The following C11orf65 variants were observed in gnomAD, a reference collection of about 807,000 sequenced individuals.
C11orf65 encodes protein MFI.
C11orf65 carries 38 observed loss-of-function variants against 35.3 expected under a neutral mutation model. The ratio of observed to expected loss-of-function variants is 1.08; its 90% CI spans 0.83 to 1.41. The LOEUF is 1.41. Ranked by LOEUF, C11orf65 falls within the 40% of genes most tolerant of loss-of-function variation. The pLI is 0.00. For synonymous variants in C11orf65, 105 were observed against 114.4 expected, an observed-to-expected ratio of 0.92 and a Z score of 0.53; for missense variants, 370 against 367.1, an observed-to-expected ratio of 1.01 and a Z score of -0.06.
At chr11:108,439,180 T>A (rs1248922714) in intron 2 of C11orf65, among the ~76,000 whole-genome samples, 1 of 152,132 alleles carries the variant, frequency 6.6e-6, no homozygotes, top group Middle Eastern at 3.2e-3. Flanking sequence ...AGGTCTTGAA[T>A]ATATATTTCT....
At chr11:108,419,186 C>A (rs964608066) in intron 3 of C11orf65, among the ~76,000 whole-genome samples, 1 of 152,084 alleles carries the variant, frequency 6.6e-6, no homozygotes, top group East Asian at 1.9e-4. Context: ...GTAAATTAGA[C>A]GTTCTGCAGG....
chr11:108,323,202 GACAT>G (rs1286468627), intron 6 of C11orf65, among the ~76,000 whole-genome samples: 1 of 152,168 alleles, frequency 6.6e-6, no homozygotes, highest in East Asian at 1.9e-4. Context: ...CATAGCAGAA[GACAT>G]ACATATTAAT....
At chr11:108,352,374 T>C (rs534458737) in intron 2 of C11orf65, among the ~76,000 whole-genome samples, 43 of 152,198 alleles carry the variant, frequency 2.8e-4, no homozygotes, top group Admixed American at 2.7e-3. Context: ...CAGAAAAATA[T>C]AGTAAATAAA....
At chr11:108,403,476 C>T (rs2092481435) in intron 6 of C11orf65, among the ~76,000 whole-genome samples, 1 of 104,486 alleles carries the variant, frequency 9.6e-6, no homozygotes, top group Non-Finnish European at 1.8e-5. Context: ...ATATATTTTG[C>T]AAATGTTTTA....
At chr11:108,356,558 A>G (rs1160066569) in intron 2 of C11orf65, among the ~76,000 whole-genome samples, 3 of 151,796 alleles carry the variant, frequency 2.0e-5, no homozygotes, top group Non-Finnish European at 4.4e-5. Context: ...AAAAAAAAAA[A>G]AAGCCCAAAC....
At chr11:108,312,264 A>G in intron 6 of C11orf65, 1 of 634,958 alleles carries the variant, frequency 1.6e-6, no homozygotes, top group Non-Finnish European at 2.9e-6. Context: ...CTAGGTATAA[A>G]TGGTATTATG....
chr11:108,325,271 T>A (rs2136304197), intron 6 of C11orf65: 15 of 1,032,840 alleles, frequency 1.5e-5, no homozygotes, highest in Non-Finnish European at 1.9e-5. Context: ...TTTTTTTTCA[T>A]TTCTCTTGCT....
At chr11:108,378,255 A>G (rs1160780414), downstream of C11orf65, among the ~76,000 whole-genome samples, 26 of 149,866 alleles carry the variant, frequency 1.7e-4, no homozygotes, top group Admixed American at 1.7e-3. Context: ...AGTAACCAAA[A>G]CAGCATGGTA....
intron 1 of C11orf65, among the ~76,000 whole-genome samples, chr11:108,463,534 C>A (rs2093497302): frequency 6.6e-6 from 1 of 152,166 alleles, no homozygotes; most frequent in South Asian, 2.1e-4. Flanking sequence ...AGTCTTTGGA[C>A]TCTGAGGCAA....
intron 2 of C11orf65, among the ~76,000 whole-genome samples, chr11:108,439,773 G>C (rs1209866668): frequency 6.6e-6 from 1 of 152,108 alleles, no homozygotes; most frequent in African/African-American, 2.4e-5. Context: ...AAAATTCACA[G>C]AGACACAAAG....
intron 6 of C11orf65, among the ~76,000 whole-genome samples, chr11:108,405,101 A>G (rs1287349159): frequency 6.6e-6 from 1 of 152,222 alleles, no homozygotes; most frequent in Non-Finnish European, 1.5e-5. Context: ...TTTACTCGGG[A>G]AGTCCACAAT....
At chr11:108,366,720 AAC>A (rs2091351497) in intron 2 of C11orf65, 1 of 231,230 alleles carries the variant, frequency 4.3e-6, no homozygotes, top group African/African-American at 2.2e-5. Flanking sequence ...GGCCAAGGCA[AAC>A]ACACTTCCTC....
At chr11:108,421,471 C>T (rs999733792) in intron 3 of C11orf65, among the ~76,000 whole-genome samples, 1 of 152,106 alleles carries the variant, frequency 6.6e-6, no homozygotes, top group African/African-American at 2.4e-5. Context: ...GCCTGACCAA[C>T]ATGGTGAAAC....
At chr11:108,364,966 C>A in intron 2 of C11orf65, 1 of 1,168,842 alleles carries the variant, frequency 8.6e-7, no homozygotes, top group Non-Finnish European at 1.2e-6. Flanking sequence ...TGTTTGTTCC[C>A]CTCCCCCATC....
chr11:108,417,118 A>T (rs1016462908), intron 3 of C11orf65, among the ~76,000 whole-genome samples: 1 of 152,236 alleles, frequency 6.6e-6, no homozygotes, highest in African/African-American at 2.4e-5. Context: ...AACGTCTGAG[A>T]CATACAGAGA....
intron 2 of C11orf65, chr11:108,354,944 CA>C: frequency 2.3e-6 from 3 of 1,287,488 alleles, no homozygotes; most frequent in Non-Finnish European, 3.4e-6. Context: ...ATCAGGAAGT[CA>C]CTGATGTGAA....
At chr11:108,377,887 T>G (rs2138192823), downstream of C11orf65, among the ~76,000 whole-genome samples, 1 of 152,018 alleles carries the variant, frequency 6.6e-6, no homozygotes, top group South Asian at 2.1e-4. Context: ...CACAATTGCT[T>G]CAAAGAGAAT....
At chr11:108,336,286 G>A (rs943190792) in intron 2 of C11orf65, 2 of 245,366 alleles carry the variant, frequency 8.2e-6, no homozygotes, top group Non-Finnish European at 1.6e-5. Context: ...TCCAGCCTGA[G>A]CAACACAGCA....
intron 1 of C11orf65, among the ~76,000 whole-genome samples, chr11:108,465,072 A>AGT (rs1246799081): frequency 6.6e-6 from 1 of 152,178 alleles, no homozygotes; most frequent in Non-Finnish European, 1.5e-5. Context: ...TTATCAATGT[A>AGT]GTGTGTGTGT....
Sources: allele counts gnomAD v4.1 joint callset (sites outside exome capture counted in the v4.1 genomes callset), GRCh38; gene constraint gnomAD v4.1.1; transcripts MANE v1.5; gene names NCBI Gene and HGNC (gene_info 2026-07-23, HGNC 2026-07-21).